Variants in STX12 observed in about 807,000 individuals in gnomAD.
STX12 encodes the protein syntaxin 12.
STX12 carries 17 observed loss-of-function variants against 42.2 expected under a neutral mutation model. That is an observed-to-expected ratio of 0.40 (90% CI 0.28 to 0.60). The LOEUF is 0.60. STX12 is among the 20% of genes least tolerant of loss of function. The probability of loss-of-function intolerance (pLI) is 0.39; values close to 1 mark genes in which losing one functional copy is unlikely to be tolerated. For synonymous variants in STX12, 108 were observed against 116.7 expected (o/e 0.93, Z 0.48); for missense variants, 297 against 330.9 (o/e 0.90, Z 0.79).
intron 1 of STX12, among the ~76,000 whole-genome samples, chr1:27,779,490 G>A (rs1415884859): frequency 6.6e-6 from 1 of 151,122 alleles, no homozygotes; most frequent in Non-Finnish European, 1.5e-5. Flanking sequence ...CTGCCACCAC[G>A]CCCAGCTAAT....
chr1:27,810,156 C>T lies in STX12; in HGVS notation c.427-90C>T, dbSNP rs532643204. The T allele has an allele frequency of 2.3e-5, 27 of 1,199,188 alleles. No individual in the cohort carries two copies. The South Asian group carries it at 3.4e-4, about 15-fold the overall frequency. The allele number at this position is 1,199,188 out of a possible 1,614,324, so 74.3% of individuals were successfully genotyped here. A position where few individuals can be genotyped will look rare whatever the true frequency, so the allele number is the denominator to read the frequency against. On this transcript the variant is annotated intron_variant, in intron 4 of 8. Transcript: ENST00000373943. ...ATTCTGTGGGTGTCAAAGGATGTTG[C>T]TTCTTTATACTGTGCTAAGGAAGCC...
chr1:27,784,230 A>G (rs2088686497), intron 1 of STX12, among the ~76,000 whole-genome samples: 2 of 151,660 alleles, frequency 1.3e-5, no homozygotes, highest in South Asian at 4.2e-4. Context: ...TCATTTGTCT[A>G]TTTATTTTGA....
intron 1 of STX12, among the ~76,000 whole-genome samples, chr1:27,783,324 T>C (rs2088680453): frequency 6.6e-6 from 1 of 151,970 alleles, no homozygotes; most frequent in South Asian, 2.1e-4. Context: ...TCCTAGTTGT[T>C]TGTTTTTTGT....
At chr1:27,813,215 G>A (rs1001410101) in intron 6 of STX12, among the ~76,000 whole-genome samples, 2 of 148,466 alleles carry the variant, frequency 1.3e-5, no homozygotes, top group African/African-American at 2.5e-5. Flanking sequence ...TTGCTCTGTC[G>A]CCCAGGCAGG....
Position 27,810,343 on chromosome 1 carries a change from G to A in STX12, c.470+54G>A, listed in dbSNP as rs376238269. 9.8e-4 allele frequency: 1,443 copies of A among 1,473,168 alleles called. 5 individuals carry two copies. Among genetic ancestry groups the A allele is most frequent in the Non-Finnish European group, 1.1e-3 (1,209 of 1,063,588 alleles). The allele number at this position is 1,473,168 out of a possible 1,614,324, so 91.3% of individuals were successfully genotyped here. ...GATAGTTGAGATGGGAATCTATCTCGTTATATTTTAATTTTAAAAATCAAT... is the reference window on the plus strand; with the variant it reads ...GATAGTTGAGATGGGAATCTATCTCATTATATTTTAATTTTAAAAATCAAT... On this transcript the variant is annotated intron_variant, in intron 5 of 8. Coordinates refer to ENST00000373943, the MANE Select transcript of STX12 (RefSeq NM_177424.3).
intron 1 of STX12, 52 bp from the exon 2 acceptor site, chr1:27,789,510 A>G: frequency 1.4e-6 from 2 of 1,395,130 alleles, no homozygotes; most frequent in Non-Finnish European, 2.0e-6. Context: ...TAGGGTACTC[A>G]TGATGAATGT....
At chr1:27,779,359 A>G (rs2088650867) in intron 1 of STX12, among the ~76,000 whole-genome samples, 1 of 146,044 alleles carries the variant, frequency 6.8e-6, no homozygotes, top group African/African-American at 2.7e-5. Flanking sequence ...TTTTGAGCCA[A>G]GTCTCACTCT....
chr1:27,792,192 A>G (rs1297310120), intron 2 of STX12, among the ~76,000 whole-genome samples: 1 of 134,628 alleles, frequency 7.4e-6, no homozygotes, highest in Non-Finnish European at 1.6e-5. Flanking sequence ...GTATCTATAT[A>G]TGTATATACA....
Position 27,813,177 on chromosome 1 carries a change from C to T in STX12, c.576+909C>T, listed in dbSNP as rs571735655. On this transcript the variant is annotated intron_variant, in intron 6 of 8. Transcript: ENST00000373943. ...TTTGCACAGTGACTAATAAAATATC[C>T]TTTTTTTTTTTTTTCCGAGACTAAG... is the stretch of plus-strand genomic sequence containing the variant. Among the ~76,000 whole-genome samples the T allele has an allele frequency of 4.9e-3, 713 of 144,302 alleles. 5 individuals are homozygous for T. Among genetic ancestry groups the T allele is most frequent in the Middle Eastern group, 0.011 (3 of 274 alleles). 94.7% of individuals were successfully genotyped at this position (144,302 alleles called of 152,430 possible).
intron 4 of STX12, among the ~76,000 whole-genome samples, chr1:27,804,110 A>G (rs561796582): frequency 6.6e-6 from 1 of 152,198 alleles, no homozygotes; most frequent in South Asian, 2.1e-4. Context: ...AATCTCAGGA[A>G]CCCATTACAC....
intron 8 of STX12, chr1:27,820,321 GC>G (rs2088975896): frequency 6.6e-6 from 1 of 152,052 alleles, no homozygotes; most frequent in African/African-American, 2.4e-5. Context: ...GAAATAAATA[GC>G]ATTTCATGTC....
intron 3 of STX12, among the ~76,000 whole-genome samples, chr1:27,799,454 T>C (rs1297357889): frequency 6.6e-6 from 1 of 150,890 alleles, no homozygotes; most frequent in African/African-American, 2.5e-5. Flanking sequence ...TCTTTAGAGG[T>C]TGAACCCCAA....
At chr1:27,813,667 C>A (rs1016825423) in intron 6 of STX12, among the ~76,000 whole-genome samples, 2 of 151,894 alleles carry the variant, frequency 1.3e-5, no homozygotes, top group Non-Finnish European at 2.9e-5. Flanking sequence ...TTTTAATGCC[C>A]CAGCTCTCAT....
At position 27,773,394 on chromosome 1, in the gene STX12, C is replaced by T. The variant is rs760617815; in HGVS notation, c.87C>T (p.Cys29=). ...ACTTCAGCAGCATCATCCAGACGTGCAGCGGCAACATCCAGCGGATCAGCC... is the reference window on the plus strand; with the variant it reads ...ACTTCAGCAGCATCATCCAGACGTGTAGCGGCAACATCCAGCGGATCAGCC... ...LRDFSSIIQT[C]SGNIQRISQA... The change falls in exon 1 of 9, where the codon TGC becomes TGT. Residue 29 remains cysteine, a synonymous_variant. Coordinates refer to ENST00000373943, the MANE Select transcript of STX12 (RefSeq NM_177424.3). The T allele has an allele frequency of 6.2e-7, 1 of 1,613,734 alleles. No individual in the cohort carries two copies. The highest frequency in any genetic ancestry group is 1.1e-5 in the South Asian group (1 of 91,078).
intron 2 of STX12, among the ~76,000 whole-genome samples, chr1:27,792,669 T>C (rs1185060254): frequency 1.3e-5 from 2 of 152,060 alleles, no homozygotes; most frequent in African/African-American, 4.8e-5. Flanking sequence ...CATGATCTAA[T>C]CACCCTCCAA....
intron 2 of STX12, among the ~76,000 whole-genome samples, chr1:27,792,313 TGTAG>T (rs2088754290): frequency 7.4e-6 from 1 of 135,578 alleles, no homozygotes; most frequent in Non-Finnish European, 1.5e-5. Flanking sequence ...TCTATATATA[TGTAG>T]ATACATATAT....
intron 1 of STX12, among the ~76,000 whole-genome samples, chr1:27,785,489 A>C (rs1367193147): frequency 6.6e-6 from 1 of 152,220 alleles, no homozygotes; most frequent in African/African-American, 2.4e-5. Context: ...CAGTGGTGGG[A>C]GTACTTAGAG....
intron 3 of STX12, among the ~76,000 whole-genome samples, chr1:27,794,658 A>G (rs2148601218): frequency 6.6e-6 from 1 of 152,214 alleles, no homozygotes; most frequent in African/African-American, 2.4e-5. Context: ...CTACCTTCCT[A>G]TTATGATCCT....
chr1:27,802,281 C>T (rs1034654430), intron 4 of STX12, among the ~76,000 whole-genome samples: 2 of 152,104 alleles, frequency 1.3e-5, no homozygotes, highest in African/African-American at 4.8e-5. Context: ...AATGTCTTTA[C>T]TGAAGGCAAA....
Sources: allele counts gnomAD v4.1 joint callset (sites outside exome capture counted in the v4.1 genomes callset), GRCh38; gene constraint gnomAD v4.1.1; transcripts MANE v1.5; gene names NCBI Gene and HGNC (gene_info 2026-07-23, HGNC 2026-07-21).